Variants in TUSC3 observed in about 807,000 individuals in gnomAD.
TUSC3 encodes tumor suppressor candidate 3.
TUSC3 carries 45 observed loss-of-function variants against 44.8 expected under a neutral mutation model. The ratio of observed to expected loss-of-function variants is 1.00; its 90% CI spans 0.79 to 1.29. TUSC3 has a LOEUF of 1.29. TUSC3 is among the 50% of genes most tolerant of loss of function. TUSC3 has a pLI of 0.00. For missense variants in TUSC3, 519 were observed against 437.9 expected, an observed-to-expected ratio of 1.19 and a Z score of -1.65; for synonymous variants, 212 against 152.9, an observed-to-expected ratio of 1.39 and a Z score of -2.85.
At chr8:15,719,516 C>CACACA (rs1554481164) in intron 6 of TUSC3, among the ~76,000 whole-genome samples, 13 of 16,244 alleles carry the variant, frequency 8.0e-4, no homozygotes, top group African/African-American at 3.0e-3. Flanking sequence ...CACACACACA[C>CACACA]CACACACACA....
At chr8:15,800,228 C>G in the TUSC3 span, among the ~76,000 whole-genome samples, 1 of 152,124 alleles carries the variant, frequency 6.6e-6, no homozygotes. Context: ...CAAATTTGCT[C>G]TTTGTAGCTT....
chr8:15,466,651 A>C (rs1800418349), intron 1 of TUSC3, among the ~76,000 whole-genome samples: 1 of 152,154 alleles, frequency 6.6e-6, no homozygotes, highest in Non-Finnish European at 1.5e-5. Context: ...TGTCTCAAAT[A>C]ATCTTTTGCA....
rs549649453 is a variant in TUSC3 at position 15,581,952 on chromosome 8, G to A, written c.139-41128G>A. On this transcript the variant is annotated intron_variant, in intron 1 of 10. Coordinates refer to ENST00000503731, the MANE Select transcript of TUSC3 (RefSeq NM_006765.4). ...TTGATCTCAGACTGCTGTGCTAGCAGTCAGCGAGATTCCGTGGGCGTAGGA... is the reference window on the plus strand; with the variant it reads ...TTGATCTCAGACTGCTGTGCTAGCAATCAGCGAGATTCCGTGGGCGTAGGA... Among the ~76,000 whole-genome samples, 979 of 148,182 alleles carry A rather than the reference G, an allele frequency of 6.6e-3. 23 individuals carry two copies. Among genetic ancestry groups the A allele is most frequent in the African/African-American group, 0.022 (823 of 37,976 alleles).
intron 9 of TUSC3, among the ~76,000 whole-genome samples, chr8:15,749,860 T>C (rs1034915292): frequency 2.1e-5 from 3 of 146,094 alleles, no homozygotes; most frequent in African/African-American, 7.7e-5. Flanking sequence ...CTCTGTATTT[T>C]ATCTAGGATG....
At chr8:15,754,579 CT>C (rs1459170717) in intron 9 of TUSC3, among the ~76,000 whole-genome samples, 1 of 152,068 alleles carries the variant, frequency 6.6e-6, no homozygotes, top group African/African-American at 2.4e-5. Flanking sequence ...ACACCTTCTA[CT>C]TTTTTTCCTT....
chr8:15,826,398 T>G, the TUSC3 span, among the ~76,000 whole-genome samples: 1 of 152,330 alleles, frequency 6.6e-6, no homozygotes, highest in Non-Finnish European at 1.5e-5. Context: ...TTAATTGCCT[T>G]TTCAGTATGT....
intron 1 of TUSC3, among the ~76,000 whole-genome samples, chr8:15,455,787 C>G (rs1800249552): frequency 6.6e-6 from 1 of 152,144 alleles, no homozygotes; most frequent in African/African-American, 2.4e-5. Flanking sequence ...ACGGGAGATA[C>G]TTACGTTTTA....
At chr8:15,581,713 C>G (rs1320300556) in intron 1 of TUSC3, among the ~76,000 whole-genome samples, 13 of 137,738 alleles carry the variant, frequency 9.4e-5, no homozygotes, top group Middle Eastern at 3.6e-3. Flanking sequence ...AACCACTGCT[C>G]TCTTCAAAGC....
intron 1 of TUSC3, among the ~76,000 whole-genome samples, chr8:15,471,849 C>G (rs928109596): frequency 1.3e-5 from 2 of 152,172 alleles, no homozygotes; most frequent in East Asian, 3.9e-4. Context: ...AACTCCTGAC[C>G]TCAGGTGATC....
chr8:15,662,988 G>A (rs766451633), intron 5 of TUSC3, among the ~76,000 whole-genome samples: 1 of 151,892 alleles, frequency 6.6e-6, no homozygotes, highest in South Asian at 2.1e-4. Context: ...GAGAACTACA[G>A]TTGTGTGGGG....
chr8:15,586,920 C>G (rs900184022), intron 1 of TUSC3, among the ~76,000 whole-genome samples: 1 of 152,128 alleles, frequency 6.6e-6, no homozygotes, highest in African/African-American at 2.4e-5. Context: ...TTTTGAAATT[C>G]TTAATTTTGT....
chr8:15,606,700 A>T (rs1165634082), intron 1 of TUSC3, among the ~76,000 whole-genome samples: 4 of 152,088 alleles, frequency 2.6e-5, no homozygotes, highest in African/African-American at 9.7e-5. Flanking sequence ...ACAGTGCTTC[A>T]GTGAATATCC....
At chr8:15,699,125 G>C (rs552885833) in intron 6 of TUSC3, among the ~76,000 whole-genome samples, 9 of 152,258 alleles carry the variant, frequency 5.9e-5, no homozygotes, top group African/African-American at 1.9e-4. Flanking sequence ...CAGGATTACA[G>C]AGGTGAGCCA....
chr8:15,568,019 A>C (rs1171350969), intron 1 of TUSC3, among the ~76,000 whole-genome samples: 2 of 152,062 alleles, frequency 1.3e-5, no homozygotes, highest in African/African-American at 4.8e-5. Flanking sequence ...CCACATTGGT[A>C]GCATATTATC....
At chr8:15,429,506 G>C (rs1318322358) in intron 1 of TUSC3, among the ~76,000 whole-genome samples, 1 of 151,392 alleles carries the variant, frequency 6.6e-6, no homozygotes, top group Non-Finnish European at 1.5e-5. Context: ...ATTCTGTGAA[G>C]AAAGTCACTG....
chr8:15,657,601 G>C (rs1417853274), intron 3 of TUSC3, among the ~76,000 whole-genome samples: 1 of 152,072 alleles, frequency 6.6e-6, no homozygotes, highest in Non-Finnish European at 1.5e-5. Context: ...GACTTTCCTT[G>C]CACCTCCCCT....
intron 1 of TUSC3, among the ~76,000 whole-genome samples, chr8:15,566,466 TG>T (rs1394504716): frequency 6.6e-6 from 1 of 152,168 alleles, no homozygotes; most frequent in East Asian, 1.9e-4. Context: ...TAAAGATTTT[TG>T]TCACATGGTA....
At chr8:15,421,839 A>AG (rs1230059257) in intron 1 of TUSC3, among the ~76,000 whole-genome samples, 43 of 152,350 alleles carry the variant, frequency 2.8e-4, no homozygotes, top group African/African-American at 9.4e-4. Context: ...TTGTAAAAAA[A>AG]TTCAATTTAA....
intron 2 of TUSC3, among the ~76,000 whole-genome samples, chr8:15,645,245 T>C (rs1806571073): frequency 6.6e-6 from 1 of 152,214 alleles, no homozygotes; most frequent in Non-Finnish European, 1.5e-5. Context: ...GTCCTATTTA[T>C]GTTTCTACCA....
Sources: gnomAD v4.1 joint callset for allele counts (sites outside exome capture counted in the v4.1 genomes callset) on GRCh38, gnomAD v4.1.1 for gene constraint, MANE v1.5 for transcripts, NCBI Gene and HGNC (gene_info 2026-07-23, HGNC 2026-07-21) for gene names.